Variants in TENM4 observed in about 807,000 individuals in gnomAD.
TENM4 encodes teneurin transmembrane protein 4, also known as teneurin-4.
A neutral mutation model predicts 243.3 loss-of-function variants in TENM4; 82 were observed. The observed-to-expected ratio is 0.34, with a 90% confidence interval of 0.28 to 0.40. The LOEUF is 0.40. Among genes scored for constraint, TENM4 ranks in the 10% least tolerant of loss-of-function variants. The pLI is 1.00. For missense variants in TENM4, 3,138 were observed against 3,673.3 expected, an observed-to-expected ratio of 0.85 and a Z score of 3.77; for synonymous variants, 1,412 against 1,456.3, an observed-to-expected ratio of 0.97 and a Z score of 0.69.
intron 6 of TENM4, among the ~76,000 whole-genome samples, chr11:78,968,886 A>C (rs1189158775): frequency 1.3e-5 from 2 of 152,252 alleles, no homozygotes; most frequent in African/African-American, 4.8e-5. Flanking sequence ...CCTGTCTATC[A>C]GGGAAACACA....
chr11:79,062,058 T>C (rs1860105173), intron 6 of TENM4, among the ~76,000 whole-genome samples: 1 of 149,294 alleles, frequency 6.7e-6, no homozygotes, highest in African/African-American at 2.5e-5. Context: ...GCCTCTGGGG[T>C]TCCAGTGATT....
intron 6 of TENM4, among the ~76,000 whole-genome samples, chr11:78,935,291 G>A (rs903690844): frequency 2.0e-5 from 3 of 152,042 alleles, no homozygotes; most frequent in Non-Finnish European, 2.9e-5. Context: ...GATTACAGGC[G>A]TGAGCCACCG....
chr11:79,069,912 C>G lies in TENM4; in HGVS notation c.33G>C (p.Ser11=). 1 of 1,547,324 alleles carries G rather than the reference C, an allele frequency of 6.5e-7. No homozygotes were observed. Among genetic ancestry groups the G allele is most frequent in the Non-Finnish European group, 8.7e-7 (1 of 1,146,640 alleles). The part of the protein sequence containing the change: MDVKERKPYR[S]LTRRRDAERR... ...GCTCGGCGTCGCGGCGCCGGGTCAGCGAGCGGTAAGGCTTCCTCTCCTTCA... is the reference window on the plus strand; with the variant it reads ...GCTCGGCGTCGCGGCGCCGGGTCAGGGAGCGGTAAGGCTTCCTCTCCTTCA... The change falls in exon 5 of 34, where the codon TCG becomes TCC. Residue 11 remains serine (S), a synonymous_variant. Coordinates refer to ENST00000278550, the MANE Select transcript of TENM4 (RefSeq NM_001098816.3).
intron 6 of TENM4, among the ~76,000 whole-genome samples, chr11:79,002,578 T>C (rs1313164286): frequency 2.0e-5 from 3 of 152,184 alleles, no homozygotes; most frequent in Non-Finnish European, 2.9e-5. Context: ...ACAAGGCTAG[T>C]TGAGTGAATC....
At chr11:79,415,037 C>T (rs548724779) in intron 1 of TENM4, among the ~76,000 whole-genome samples, 2 of 152,330 alleles carry the variant, frequency 1.3e-5, no homozygotes, top group African/African-American at 4.8e-5. Flanking sequence ...TCCCTCTTCA[C>T]CCCACCACTT....
intron 6 of TENM4, among the ~76,000 whole-genome samples, chr11:79,022,526 G>A (rs1166577676): frequency 6.6e-6 from 1 of 152,160 alleles, no homozygotes; most frequent in African/African-American, 2.4e-5. Context: ...CAATTCACAT[G>A]GCCCTGGAAA....
At chr11:79,433,276 C>T (rs548151283) in intron 1 of TENM4, among the ~76,000 whole-genome samples, 2 of 152,198 alleles carry the variant, frequency 1.3e-5, no homozygotes, top group East Asian at 3.9e-4. Flanking sequence ...ATTCTTGGGC[C>T]CCTCCCCAGA....
chr11:79,206,571 G>A (rs183144226), intron 3 of TENM4, among the ~76,000 whole-genome samples: 1 of 152,312 alleles, frequency 6.6e-6, no homozygotes, highest in East Asian at 1.9e-4. Flanking sequence ...ATTCCCACAT[G>A]TTGTGGGAGG....
At chr11:78,869,438 C>T (rs1591085348) in intron 9 of TENM4, among the ~76,000 whole-genome samples, 1 of 149,774 alleles carries the variant, frequency 6.7e-6, no homozygotes, top group East Asian at 1.9e-4. Context: ...TTTCCAAACT[C>T]ATTTTAGTGC....
intron 10 of TENM4, among the ~76,000 whole-genome samples, chr11:78,861,508 C>T (rs75529073): frequency 0.035 from 5,325 of 152,280 alleles, 93 homozygotes; most frequent in Middle Eastern, 0.11. Context: ...AAAGTGTGCA[C>T]TATTTAGCAT....
intron 6 of TENM4, among the ~76,000 whole-genome samples, chr11:78,923,783 G>A (rs1369034022): frequency 7.4e-6 from 1 of 134,394 alleles, no homozygotes; most frequent in African/African-American, 2.8e-5. Context: ...CAAGTGATCT[G>A]CCCACCTCAG....
intron 1 of TENM4, among the ~76,000 whole-genome samples, chr11:79,423,927 C>A (rs565123843): frequency 6.6e-6 from 1 of 152,284 alleles, no homozygotes; most frequent in East Asian, 1.9e-4. Context: ...CCCTGCCTCC[C>A]CCACTAACCT....
intron 1 of TENM4, among the ~76,000 whole-genome samples, chr11:79,379,430 G>T (rs1036880380): frequency 2.0e-5 from 3 of 152,214 alleles, no homozygotes; most frequent in African/African-American, 7.2e-5. Context: ...GCGTAGAGTG[G>T]AAACAGGACC....
chr11:78,788,428 G>A (rs1856983855), intron 15 of TENM4, among the ~76,000 whole-genome samples: 1 of 152,236 alleles, frequency 6.6e-6, no homozygotes, highest in Non-Finnish European at 1.5e-5. Context: ...CTGACCTGGA[G>A]CCAGGGACCT....
chr11:79,042,738 A>C (rs1000264439), intron 6 of TENM4, among the ~76,000 whole-genome samples: 1 of 152,116 alleles, frequency 6.6e-6, no homozygotes, highest in Non-Finnish European at 1.5e-5. Context: ...ACCCACATCT[A>C]TTTAGTTACC....
chr11:78,924,808 TG>T lies in TENM4; in HGVS notation c.494-21286del, dbSNP rs530378113. ...AGGTGTCTCTTGGCATAAATAGCAATGTATCACTATACTAATAGAATTTAAA... is the reference window on the plus strand; with the variant it reads ...AGGTGTCTCTTGGCATAAATAGCAATTATCACTATACTAATAGAATTTAAA... On this transcript the variant is annotated intron_variant, in intron 6 of 33. Transcript: ENST00000278550. 2.6e-5 allele frequency: 4 copies of T among 152,346 alleles called. No homozygotes were observed. In the East Asian group the frequency reaches 7.7e-4, roughly 29 times the overall value. The allele number at this position is 152,346 out of a possible 1,614,324, so 9.4% of individuals were successfully genotyped here.
At chr11:79,243,127 C>T (rs1260409723) in intron 2 of TENM4, among the ~76,000 whole-genome samples, 3 of 152,092 alleles carry the variant, frequency 2.0e-5, no homozygotes, top group Non-Finnish European at 2.9e-5. Flanking sequence ...TGACTTTCAT[C>T]GGGGCACTGA....
At chr11:79,298,760 G>A (rs909332682) in intron 1 of TENM4, among the ~76,000 whole-genome samples, 5 of 152,110 alleles carry the variant, frequency 3.3e-5, no homozygotes, top group African/African-American at 1.2e-4. Flanking sequence ...AAGGCTCGGC[G>A]AGCCGTCTAA....
intron 1 of TENM4, among the ~76,000 whole-genome samples, chr11:79,377,589 C>T (rs1400156039): frequency 6.6e-6 from 1 of 152,200 alleles, no homozygotes; most frequent in Admixed American, 6.5e-5. Flanking sequence ...AGTATAATGA[C>T]AGGCACACAG....
Sources: gnomAD v4.1 joint callset for allele counts (sites outside exome capture counted in the v4.1 genomes callset) on GRCh38, gnomAD v4.1.1 for gene constraint, MANE v1.5 for transcripts, NCBI Gene and HGNC (gene_info 2026-07-23, HGNC 2026-07-21) for gene names.